Variants in SLCO1C1 observed in about 807,000 individuals in gnomAD.
SLCO1C1 encodes the protein solute carrier organic anion transporter family member 1C1.
In SLCO1C1, 70 loss-of-function variants were observed where a neutral mutation model predicts 76.4. That is an observed-to-expected ratio of 0.92 (90% CI 0.76 to 1.12). SLCO1C1 has a LOEUF of 1.12. SLCO1C1 is among the 50% of genes most tolerant of loss of function. The pLI, the probability that SLCO1C1 is intolerant of heterozygous loss-of-function variation, is 0.00. For missense variants in SLCO1C1, 912 were observed against 823.8 expected (o/e 1.11, Z -1.31); for synonymous variants, 306 against 286.1 (o/e 1.07, Z -0.70).
intron 9 of SLCO1C1, among the ~76,000 whole-genome samples, chr12:20,730,679 T>C (rs972132812): frequency 1.3e-5 from 2 of 152,206 alleles, no homozygotes; most frequent in Admixed American, 6.5e-5. Flanking sequence ...ACTGACTTCA[T>C]GATCATGCCC....
Position 20,721,989 on chromosome 12 carries a change from G to A in SLCO1C1, c.961G>A (p.Asp321Asn). Residue 321 changes from aspartate (D) to asparagine (N), a missense_variant, in exon 8 of 15, where the codon GAT (aspartate) becomes AAT (asparagine). Transcript: ENST00000266509. ...TGAGAAATCCAAGTTTATTATAGAT[G>A]ATCACACAGACTACCAAACACCCCA... Reference protein sequence around the residue: ...SSEKSKFIIDDHTDYQTPQGE... With the variant: ...SSEKSKFIIDNHTDYQTPQGE... 6.2e-7 allele frequency: 1 copy of A among 1,614,070 alleles called. No homozygotes were observed. The highest frequency in any genetic ancestry group is 8.5e-7 in the Non-Finnish European group (1 of 1,180,002).
At chr12:20,717,091 A>G (rs780333079) in intron 6 of SLCO1C1, 41 bp from the exon 7 acceptor site, 2 of 1,528,596 alleles carry the variant, frequency 1.3e-6, no homozygotes, top group Admixed American at 1.8e-5. Context: ...AAAGTAAAGA[A>G]ATGACAGCTT....
Position 20,743,358 on chromosome 12 carries a change from TAA to T in SLCO1C1, c.1788_1789del (p.Ile596MetfsTer17), listed in dbSNP as rs1223837381. On this transcript the variant is annotated frameshift_variant, in exon 13 of 15. Transcript: ENST00000266509. LOFTEE classifies it high-confidence loss of function. ...GCCTTGGGTATCTACACATTAGCAA[TAA>T]GAGTTCTTGGTAAGTTTAACCTATG... 2 of 1,612,514 alleles carry T rather than the reference TAA, an allele frequency of 1.2e-6. No individual in the cohort carries two copies. The highest frequency in any genetic ancestry group is 1.7e-6 in the Non-Finnish European group (2 of 1,179,130).
At chr12:20,725,062 TTA>T (rs920425611) in intron 9 of SLCO1C1, among the ~76,000 whole-genome samples, 14 of 133,586 alleles carry the variant, frequency 1.0e-4, no homozygotes, top group Middle Eastern at 0.01. Flanking sequence ...TAATTATATA[TTA>T]TATATATTAT....
Position 20,737,157 on chromosome 12 carries a change from C to A in SLCO1C1, c.1433C>A (p.Ser478Ter). Residue 478 changes from serine (S) to a stop codon, truncating the protein, a stop_gained, in exon 11 of 15, where the codon TCA becomes TAA. Transcript: ENST00000266509. LOFTEE classifies it high-confidence loss of function. ...CGAGCTCTCTTTTCAGATTGCAACT[C>A]AAGATGCAAATGTTCAGAGACAAAA... is the stretch of plus-strand genomic sequence containing the variant. ...HERALFSDCN[S>*]RCKCSETKWE... The A allele has an allele frequency of 6.4e-7, 1 of 1,559,328 alleles. No homozygotes were observed.
At chr12:20,698,420 T>C (rs989022021) in intron 1 of SLCO1C1, among the ~76,000 whole-genome samples, 5 of 152,094 alleles carry the variant, frequency 3.3e-5, no homozygotes, top group Admixed American at 3.3e-4. Context: ...ACTTAATTTT[T>C]AAATTGTTGA....
chr12:20,711,484 A>T lies in SLCO1C1; in HGVS notation c.503A>T (p.Glu168Val). 1 of 1,613,726 alleles carries T rather than the reference A, an allele frequency of 6.2e-7. No homozygotes were observed. Among genetic ancestry groups the T allele is most frequent in the Non-Finnish European group, 8.5e-7 (1 of 1,179,854 alleles). The change falls in exon 5 of 15, where the codon GAA becomes GTA. Residue 168 changes from glutamate to valine, a missense_variant. By Grantham distance (121) the Glu-to-Val change is moderately radical. Coordinates refer to ENST00000266509, the MANE Select transcript of SLCO1C1 (RefSeq NM_017435.5). ...SSSQLPVSVM[E>V]KSKSKISNEC... ...AGTCAATTACCAGTTTCAGTTATGG[A>T]AAAATCAAAATCCAAAATAAGTAAC...
intron 11 of SLCO1C1, among the ~76,000 whole-genome samples, chr12:20,738,326 G>A (rs749372008): frequency 2.8e-4 from 42 of 152,036 alleles, no homozygotes; most frequent in Non-Finnish European, 5.6e-4. Context: ...CCTTATCCTT[G>A]CTCTCTGAGA....
chr12:20,728,822 G>A (rs1237794215), intron 9 of SLCO1C1, among the ~76,000 whole-genome samples: 1 of 151,762 alleles, frequency 6.6e-6, no homozygotes, highest in Non-Finnish European at 1.5e-5. Context: ...CAGTATCAAG[G>A]AATAAAATCT....
Position 20,705,934 on chromosome 12 carries a change from T to C in SLCO1C1, c.272-15T>C. 1.2e-6 allele frequency: 2 copies of C among 1,611,944 alleles called. No homozygotes were observed. The highest frequency in any genetic ancestry group is 1.7e-6 in the Non-Finnish European group (2 of 1,178,646). ...AAGTTCTCTAATTTATGATGTTTTA[T>C]TCTTTTCCTCAAAGGGAATCTCTTA... On this transcript the variant is annotated splice_polypyrimidine_tract_variant and intron_variant, in intron 3 of 14. Coordinates refer to ENST00000266509, the MANE Select transcript of SLCO1C1 (RefSeq NM_017435.5).
chr12:20,752,408 A>G lies in SLCO1C1; in HGVS notation c.2019A>G (p.Arg673=), dbSNP rs1417234528. Residue 673 remains arginine, a synonymous_variant, in exon 15 of 15, where the codon AGA becomes AGG. Transcript: ENST00000266509. The part of the protein sequence containing the change: ...ILKKNYVSKH[R]SFITKRERTM... ...AGAAAAATTATGTTTCAAAACACAG[A>G]AGTTTTATAACCAAGAGAGAAAGAA... 6.2e-7 allele frequency: 1 copy of G among 1,613,308 alleles called. No individual in the cohort carries two copies. The highest frequency in any genetic ancestry group is 8.5e-7 in the Non-Finnish European group (1 of 1,179,536).
chr12:20,740,814 T>TATATATATATATATATATAC (rs1238632883), intron 12 of SLCO1C1, among the ~76,000 whole-genome samples: 2 of 133,328 alleles, frequency 1.5e-5, no homozygotes, highest in Non-Finnish European at 3.2e-5. Flanking sequence ...TATATATATA[T>TATATATATATATATATATAC]ATATGGCTTT....
intron 10 of SLCO1C1, among the ~76,000 whole-genome samples, chr12:20,735,016 C>A (rs1487244408): frequency 1.3e-5 from 2 of 152,182 alleles, no homozygotes; most frequent in Non-Finnish European, 2.9e-5. Context: ...TAAAACTCGT[C>A]TTATAATTAA....
chr12:20,715,350 C>A, intron 6 of SLCO1C1, 65 bp downstream of exon 6: 1 of 1,563,652 alleles, frequency 6.4e-7, no homozygotes, highest in Non-Finnish European at 8.7e-7. Flanking sequence ...TCTGAATTCC[C>A]CTCTATGCTA....
At chr12:20,728,761 G>A (rs993974478) in intron 9 of SLCO1C1, among the ~76,000 whole-genome samples, 1 of 151,912 alleles carries the variant, frequency 6.6e-6, no homozygotes, top group African/African-American at 2.4e-5. Context: ...TATTGTAATT[G>A]TGCTGACCAT....
chr12:20,746,813 CT>C (rs757969463), intron 13 of SLCO1C1, among the ~76,000 whole-genome samples: 11 of 133,474 alleles, frequency 8.2e-5, no homozygotes, highest in Middle Eastern at 4.0e-3. Context: ...TTGGTATTGT[CT>C]TTTTTTTTTC....
At chr12:20,740,787 T>TTATATATATCTATATA (rs1948772798) in intron 12 of SLCO1C1, among the ~76,000 whole-genome samples, 1 of 75,058 alleles carries the variant, frequency 1.3e-5, no homozygotes, top group African/African-American at 5.4e-5. Context: ...TTTATTTTAT[T>TTATATATATCTATATA]TATATATATA....
In SLCO1C1 at chr12:20,727,661, C is replaced by T. The variant is rs145658190; in HGVS notation, c.1186+4407C>T. Among the ~76,000 whole-genome samples the T allele has an allele frequency of 3.9e-3, 596 of 152,268 alleles. 7 individuals carry two copies. Among genetic ancestry groups the T allele is most frequent in the African/African-American group, 0.013 (548 of 41,550 alleles). ...AGTAGCTGGGACTACAGGCGCCCGC[C>T]ACCACGCCCGGCTAATTTTTTGTAT... On this transcript the variant is annotated intron_variant, in intron 9 of 14. Coordinates refer to ENST00000266509, the MANE Select transcript of SLCO1C1 (RefSeq NM_017435.5).
chr12:20,707,147 T>A (rs1399240855), intron 4 of SLCO1C1, among the ~76,000 whole-genome samples: 1 of 152,084 alleles, frequency 6.6e-6, no homozygotes, highest in Non-Finnish European at 1.5e-5. Context: ...GACCCTAAAT[T>A]TCTACTTGGA....
Sources: gnomAD v4.1 joint callset for allele counts (sites outside exome capture counted in the v4.1 genomes callset) on GRCh38, gnomAD v4.1.1 for gene constraint, MANE v1.5 for transcripts, NCBI Gene and HGNC (gene_info 2026-07-23, HGNC 2026-07-21) for gene names.